Variants in XKR4 observed in about 807,000 individuals in gnomAD.
The protein encoded by XKR4 is XK related 4.
Under a neutral mutation model 53.9 loss-of-function variants are expected in XKR4, and 12 were observed. The ratio of observed to expected loss-of-function variants is 0.22; its 90% CI spans 0.14 to 0.36. The LOEUF is 0.36. Ranked by LOEUF, XKR4 falls within the 10% of genes least tolerant of loss-of-function variation. The pLI is 1.00. For synonymous variants in XKR4, 354 were observed against 362.4 expected (o/e 0.98, Z 0.26); for missense variants, 799 against 859.5 (o/e 0.93, Z 0.88).
At chr8:55,302,611 A>G (rs1819219927) in intron 1 of XKR4, among the ~76,000 whole-genome samples, 2 of 152,084 alleles carry the variant, frequency 1.3e-5, no homozygotes, top group Non-Finnish European at 1.5e-5. Flanking sequence ...CATGATATTG[A>G]TTCTTCCTAC....
chr8:55,307,829 AG>A (rs1349943609), intron 1 of XKR4, among the ~76,000 whole-genome samples: 1 of 152,232 alleles, frequency 6.6e-6, no homozygotes, highest in Non-Finnish European at 1.5e-5. Context: ...TGAAGAATCC[AG>A]ATCACTTATA....
intron 2 of XKR4, among the ~76,000 whole-genome samples, chr8:55,497,077 C>G (rs574181834): frequency 2.4e-4 from 37 of 152,310 alleles, no homozygotes; most frequent in Non-Finnish European, 4.7e-4. Flanking sequence ...TGCTGCAATA[C>G]ACTTTCGTCC....
chr8:55,386,011 T>C (rs1032522697), intron 2 of XKR4, among the ~76,000 whole-genome samples: 2 of 152,242 alleles, frequency 1.3e-5, no homozygotes, highest in African/African-American at 4.8e-5. Context: ...ATCCAAAGTG[T>C]ATTTAAAATG....
At chr8:55,373,609 T>A (rs748841290) in intron 2 of XKR4, among the ~76,000 whole-genome samples, 1 of 152,212 alleles carries the variant, frequency 6.6e-6, no homozygotes, top group Non-Finnish European at 1.5e-5. Context: ...CACCTCCAGA[T>A]ATTTGTTATC....
intron 2 of XKR4, among the ~76,000 whole-genome samples, chr8:55,359,212 G>A (rs1240149115): frequency 6.6e-6 from 1 of 152,356 alleles, no homozygotes; most frequent in East Asian, 1.9e-4. Flanking sequence ...GTGGATGACT[G>A]TTTTTCGTTG....
chr8:55,533,934 T>G lies in XKR4; in HGVS notation c.*9707T>G, dbSNP rs1347134848. ...ATATTCACCTGCTTCATTTGTTTTT[T>G]CCAGTAAACGCTGTTTTGAAAAAAA... On this transcript the variant is annotated 3_prime_UTR_variant, in exon 3 of 3. Coordinates refer to ENST00000327381, the MANE Select transcript of XKR4 (RefSeq NM_052898.2). 2 of 152,246 alleles carry G rather than the reference T, an allele frequency of 1.3e-5. No individual in the cohort carries two copies. Among genetic ancestry groups the G allele is most frequent in the African/African-American group, 4.8e-5 (2 of 41,530 alleles). 9.4% of individuals were successfully genotyped at this position (152,246 alleles called of 1,614,324 possible). A position where few individuals can be genotyped will look rare whatever the true frequency, so the allele number is the denominator to read the frequency against.
chr8:55,222,416 GA>G (rs2129365563), intron 1 of XKR4, among the ~76,000 whole-genome samples: 1 of 152,258 alleles, frequency 6.6e-6, no homozygotes, highest in Admixed American at 6.5e-5. Context: ...AATACTATAT[GA>G]AGACCATATT....
At chr8:55,490,798 T>C (rs1806259530) in intron 2 of XKR4, among the ~76,000 whole-genome samples, 1 of 119,214 alleles carries the variant, frequency 8.4e-6, no homozygotes, top group African/African-American at 4.2e-5. Context: ...TTGGAGTATG[T>C]ATAGTGTGTG....
intron 2 of XKR4, among the ~76,000 whole-genome samples, chr8:55,483,076 T>C (rs926719370): frequency 6.6e-6 from 1 of 152,156 alleles, no homozygotes; most frequent in African/African-American, 2.4e-5. Context: ...ATTCAGGTGG[T>C]GGTAGACATT....
intron 1 of XKR4, among the ~76,000 whole-genome samples, chr8:55,203,914 G>A (rs1255916833): frequency 6.6e-6 from 1 of 152,196 alleles, no homozygotes; most frequent in Non-Finnish European, 1.5e-5. Flanking sequence ...TTAAGTAACA[G>A]AAAGAACCTC....
chr8:55,257,812 G>A (rs899344260), intron 1 of XKR4, among the ~76,000 whole-genome samples: 3 of 152,088 alleles, frequency 2.0e-5, no homozygotes, highest in East Asian at 1.9e-4. Flanking sequence ...TTTGCATTCC[G>A]GTGTTTTCTA....
At chr8:55,270,520 G>T (rs767354031) in intron 1 of XKR4, among the ~76,000 whole-genome samples, 12 of 152,112 alleles carry the variant, frequency 7.9e-5, no homozygotes, top group Admixed American at 2.0e-4. Context: ...TTCCCATTGT[G>T]AACATCTCAC....
chr8:55,316,454 G>T (rs115967345), intron 1 of XKR4, among the ~76,000 whole-genome samples: 1,933 of 152,278 alleles, frequency 0.013, 39 homozygotes, highest in African/African-American at 0.043. Flanking sequence ...TACTCCTTTT[G>T]TCAAAGGTGA....
At chr8:55,289,673 G>GA (rs1563316513) in intron 1 of XKR4, among the ~76,000 whole-genome samples, 1 of 38,710 alleles carries the variant, frequency 2.6e-5, no homozygotes, top group Non-Finnish European at 1.0e-4. Flanking sequence ...GAAAAGAAAA[G>GA]AAAGAGAAAG....
chr8:55,265,052 G>A (rs1818577159), intron 1 of XKR4, among the ~76,000 whole-genome samples: 1 of 152,178 alleles, frequency 6.6e-6, no homozygotes, highest in African/African-American at 2.4e-5. Context: ...TGACCACTGT[G>A]TTCGCAATCA....
At chr8:55,368,636 C>A (rs1048118126) in intron 2 of XKR4, among the ~76,000 whole-genome samples, 1 of 152,176 alleles carries the variant, frequency 6.6e-6, no homozygotes, top group African/African-American at 2.4e-5. Context: ...TCTCTTTGGA[C>A]TTCTGAAATT....
intron 2 of XKR4, among the ~76,000 whole-genome samples, chr8:55,412,510 A>T (rs769131308): frequency 6.6e-6 from 1 of 152,074 alleles, no homozygotes; most frequent in Non-Finnish European, 1.5e-5. Context: ...TATTCCCAAC[A>T]TTTGCACCCG....
Position 55,384,968 on chromosome 8 carries a change from A to G in XKR4, c.1006+27091A>G, listed in dbSNP as rs1005091131. Among the ~76,000 whole-genome samples, 4 of 152,212 alleles carry G rather than the reference A, an allele frequency of 2.6e-5. No homozygotes were observed. In the South Asian group the frequency reaches 8.3e-4, roughly 31 times the overall value. Reference sequence around the variant, plus strand: ...CTCTTTGAGAATGGCCATCGTAACTAGTGACCATTCTTTTGAATGGCCTTA... The same window carrying G: ...CTCTTTGAGAATGGCCATCGTAACTGGTGACCATTCTTTTGAATGGCCTTA... On this transcript the variant is annotated intron_variant, in intron 2 of 2. Transcript: ENST00000327381.
At chr8:55,465,037 A>G (rs1226849958) in intron 2 of XKR4, among the ~76,000 whole-genome samples, 1 of 152,158 alleles carries the variant, frequency 6.6e-6, no homozygotes, top group East Asian at 1.9e-4. Context: ...GGAAGAATCA[A>G]TAACATGAAA....
Sources: allele counts gnomAD v4.1 joint callset (sites outside exome capture counted in the v4.1 genomes callset), GRCh38; gene constraint gnomAD v4.1.1; transcripts MANE v1.5; gene names NCBI Gene and HGNC (gene_info 2026-07-23, HGNC 2026-07-21).